Variants in HIBCH observed in about 807,000 individuals in gnomAD.
The protein encoded by HIBCH is 3-hydroxyisobutyryl-CoA hydrolase, also known as 3-hydroxyisobutyryl-CoA hydrolase, mitochondrial.
In HIBCH, 50 loss-of-function variants were observed where a neutral mutation model predicts 58.2. The ratio of observed to expected loss-of-function variants is 0.86; its 90% confidence interval spans 0.68 to 1.09. HIBCH has a LOEUF of 1.09. Among genes scored for constraint, HIBCH ranks in the 50% least tolerant of loss-of-function variants. The pLI is 0.00. For synonymous variants in HIBCH, 151 were observed against 146.9 expected, an observed-to-expected ratio of 1.03 and a Z score of -0.20; for missense variants, 450 against 449.7, an observed-to-expected ratio of 1.00 and a Z score of -0.01.
At chr2:190,262,195 A>G (rs1380958370) in intron 6 of HIBCH, among the ~76,000 whole-genome samples, 1 of 151,958 alleles carries the variant, frequency 6.6e-6, no homozygotes, top group East Asian at 1.9e-4. Context: ...AAAGAAAAGA[A>G]AAAAACCCTG....
chr2:190,309,485 A>C (rs1688502769), intron 2 of HIBCH, among the ~76,000 whole-genome samples: 1 of 152,198 alleles, frequency 6.6e-6, no homozygotes. Context: ...TTGGATATTT[A>C]ACTTTGCAAG....
chr2:190,209,172 G>C lies in HIBCH; in HGVS notation c.1012-259C>G, dbSNP rs1234382620. On this transcript the variant is annotated intron_variant, in intron 12 of 13. Transcript: ENST00000359678. This position sits in a 1 kb window ranked among gnomAD's most constrained non-coding sequence, Gnocchi z 5.6. ...CTATGACTTTCTCCCCATCTGTGCTGGCTTCACTTTGCTCTTCATCCAGCC... is the reference window on the plus strand; with the variant it reads ...CTATGACTTTCTCCCCATCTGTGCTCGCTTCACTTTGCTCTTCATCCAGCC... Among the ~76,000 whole-genome samples, 1 of 152,078 alleles carries C rather than the reference G, an allele frequency of 6.6e-6. No homozygotes were observed. The highest frequency in any genetic ancestry group is 1.9e-4 in the East Asian group (1 of 5,186).
At chr2:190,287,722 C>T in intron 5 of HIBCH, 84 bp from the exon 6 acceptor site, 2 of 963,716 alleles carry the variant, frequency 2.1e-6, no homozygotes, top group South Asian at 2.9e-5. Flanking sequence ...ATTATATATA[C>T]TCAAGATTTT....
chr2:190,225,251 G>A (rs1685852945), intron 11 of HIBCH, among the ~76,000 whole-genome samples: 1 of 151,974 alleles, frequency 6.6e-6, no homozygotes, highest in Non-Finnish European at 1.5e-5. Context: ...CTACCAGAAG[G>A]CAAGAAATAA....
downstream of HIBCH, chr2:190,201,163 C>G (rs1690228722): frequency 6.0e-6 from 1 of 166,998 alleles, no homozygotes; most frequent in African/African-American, 2.4e-5. Context: ...AGTGGTAACA[C>G]AAGCCTATAG....
At chr2:190,318,115 C>T (rs930159915) in intron 1 of HIBCH, among the ~76,000 whole-genome samples, 1 of 151,992 alleles carries the variant, frequency 6.6e-6, no homozygotes, top group African/African-American at 2.4e-5. Context: ...TGTGAGCCCC[C>T]GCGCCTAGCC....
intron 8 of HIBCH, among the ~76,000 whole-genome samples, chr2:190,251,127 A>C (rs1382811603): frequency 6.6e-6 from 1 of 152,150 alleles, no homozygotes; most frequent in East Asian, 1.9e-4. Flanking sequence ...AAAATATAAA[A>C]CTGCATTAAA....
intron 11 of HIBCH, among the ~76,000 whole-genome samples, chr2:190,226,337 T>G (rs1002059132): frequency 6.6e-6 from 1 of 152,178 alleles, no homozygotes; most frequent in African/African-American, 2.4e-5. Context: ...GGCTCACGCC[T>G]GTAATCCCAG....
intron 10 of HIBCH, among the ~76,000 whole-genome samples, chr2:190,245,732 G>A (rs1686586143): frequency 6.6e-6 from 1 of 152,156 alleles, no homozygotes; most frequent in Admixed American, 6.5e-5. Context: ...CATCACGCCT[G>A]TAATCCCAGC....
At chr2:190,288,362 A>C (rs1300719218) in intron 5 of HIBCH, among the ~76,000 whole-genome samples, 9 of 151,700 alleles carry the variant, frequency 5.9e-5, no homozygotes, top group Non-Finnish European at 2.9e-5. Flanking sequence ...GCCAAGAAAA[A>C]AGACATGTAG....
At chr2:190,267,232 A>T (rs965919442) in intron 6 of HIBCH, among the ~76,000 whole-genome samples, 1 of 152,044 alleles carries the variant, frequency 6.6e-6, no homozygotes, top group African/African-American at 2.4e-5. Flanking sequence ...TTTTGGAGAC[A>T]GAATCTCTGT....
At chr2:190,310,096 T>C (rs114977056) in intron 2 of HIBCH, among the ~76,000 whole-genome samples, 2,133 of 152,292 alleles carry the variant, frequency 0.014, 57 homozygotes, top group African/African-American at 0.047. Flanking sequence ...TCTCCGGCAC[T>C]GGATGCTTCC....
intron 13 of HIBCH, among the ~76,000 whole-genome samples, chr2:190,205,840 A>G (rs1167258250): frequency 1.3e-5 from 2 of 152,174 alleles, no homozygotes; most frequent in African/African-American, 4.8e-5. Flanking sequence ...GTATCCCCAC[A>G]GGATTATGAG....
At chr2:190,314,371 G>T (rs199688544) in intron 1 of HIBCH, among the ~76,000 whole-genome samples, 2 of 78,424 alleles carry the variant, frequency 2.6e-5, no homozygotes, top group African/African-American at 5.2e-5. Flanking sequence ...ATATATATAC[G>T]TATATATGTG....
In HIBCH at chr2:190,236,434, T is replaced by G. The variant is rs181802982; in HGVS notation, c.891+8453A>C. ...TATGTTCTGCTTTGAACTGTAAATA[T>G]TTTTCTAAGTAATCATCTTAAACCT... On this transcript the variant is annotated intron_variant, in intron 11 of 13. Transcript: ENST00000359678. The surrounding 1 kb of genome is among the most constrained non-coding windows in gnomAD (Gnocchi z 4.1). Among the ~76,000 whole-genome samples, 35 of 152,342 alleles carry G rather than the reference T, an allele frequency of 2.3e-4. No homozygotes were observed.
chr2:190,246,130 T>C (rs1277805834), intron 10 of HIBCH, 24 bp downstream of exon 10: 1 of 1,343,556 alleles, frequency 7.4e-7, no homozygotes, highest in Non-Finnish European at 1.1e-6. Context: ...AAGGAATATA[T>C]AACTGAGATC....
intron 1 of HIBCH, 151 bp from the exon 2 acceptor site, chr2:190,310,947 AG>A: frequency 1.4e-6 from 1 of 712,432 alleles, no homozygotes; most frequent in Non-Finnish European, 2.6e-6. Context: ...CACTGCTGGT[AG>A]GAACATTAAA....
intron 1 of HIBCH, among the ~76,000 whole-genome samples, chr2:190,314,768 C>G (rs1040413417): frequency 6.6e-6 from 1 of 151,850 alleles, no homozygotes; most frequent in Non-Finnish European, 1.5e-5. Context: ...TGTGAGCCAC[C>G]GCACCCAGCC....
In HIBCH at chr2:190,205,002, G is replaced by T; in HGVS notation, c.*115C>A. 1.5e-6 allele frequency: 1 copy of T among 686,626 alleles called. No homozygotes were observed. The highest frequency in any genetic ancestry group is 2.7e-6 in the Non-Finnish European group (1 of 374,282). The allele number at this position is 686,626 out of a possible 1,614,324, so 42.5% of individuals were successfully genotyped here. A position where few individuals can be genotyped will look rare whatever the true frequency, so the allele number is the denominator to read the frequency against. ...TTTCTTTTCCCAACCATTTAAAAAT[G>T]CGGAAACCATTCTTAGCTTACAGGG... On this transcript the variant is annotated 3_prime_UTR_variant, in exon 14 of 14. Transcript: ENST00000359678.
Sources: allele counts gnomAD v4.1 joint callset (sites outside exome capture counted in the v4.1 genomes callset), GRCh38; gene constraint gnomAD v4.1.1; non-coding constraint Gnocchi (gnomAD v3.1); transcripts MANE v1.5; gene names NCBI Gene and HGNC (gene_info 2026-07-23, HGNC 2026-07-21).